TRIM2: variants seen among roughly 807,000 people sequenced by gnomAD.
TRIM2 encodes the protein tripartite motif-containing protein 2.
TRIM2 carries 20 observed loss-of-function variants against 75.2 expected under a neutral mutation model. The ratio of observed to expected loss-of-function variants is 0.27; its 90% confidence interval spans 0.19 to 0.39. TRIM2 has a LOEUF of 0.39. Ranked by LOEUF, TRIM2 falls within the 10% of genes least tolerant of loss-of-function variation. The pLI is 1.00. For synonymous variants in TRIM2, 373 were observed against 388.3 expected (o/e 0.96, Z 0.46); for missense variants, 660 against 990.8 (o/e 0.67, Z 4.48).
chr4:153,174,308 A>G lies in TRIM2; in HGVS notation c.-49+21038A>G, dbSNP rs2149620212. 1.3e-5 allele frequency among the ~76,000 whole-genome samples: 2 copies of G among 151,974 alleles called. 1 individual carries two copies. Among genetic ancestry groups the G allele is most frequent in the African/African-American group, 4.8e-5 (2 of 41,484 alleles). On this transcript the variant is annotated intron_variant, in intron 1 of 11. Transcript: ENST00000437508. ...GTGTGGCTGATGCATTCCATTTGCCAGGAAAGCCAGACCTTTCCATCCCTT... is the reference window on the plus strand; with the variant it reads ...GTGTGGCTGATGCATTCCATTTGCCGGGAAAGCCAGACCTTTCCATCCCTT...
intron 1 of TRIM2, among the ~76,000 whole-genome samples, chr4:153,159,853 A>C (rs1729584906): frequency 6.6e-6 from 1 of 152,226 alleles, no homozygotes; most frequent in African/African-American, 2.4e-5. Context: ...AGCTATGCCT[A>C]CTATTTGATG....
At chr4:153,250,202 C>G (rs1299219393) in intron 1 of TRIM2, among the ~76,000 whole-genome samples, 1 of 152,122 alleles carries the variant, frequency 6.6e-6, no homozygotes, top group African/African-American at 2.4e-5. Flanking sequence ...TTACTACAAC[C>G]TCAGCTTCTT....
At chr4:153,172,280 T>C (rs566493090) in intron 1 of TRIM2, among the ~76,000 whole-genome samples, 93 of 152,228 alleles carry the variant, frequency 6.1e-4, no homozygotes, top group South Asian at 1.2e-3. Flanking sequence ...CTCCACCTCC[T>C]GGGTTCACGC....
At chr4:153,285,284 A>G (rs933953260) in intron 3 of TRIM2, among the ~76,000 whole-genome samples, 1 of 152,122 alleles carries the variant, frequency 6.6e-6, no homozygotes, top group Admixed American at 6.6e-5. Flanking sequence ...ATCTTATTCC[A>G]TTGATCTATA....
intron 8 of TRIM2, among the ~76,000 whole-genome samples, chr4:153,322,130 C>T (rs1256429021): frequency 6.6e-6 from 1 of 151,710 alleles, no homozygotes; most frequent in East Asian, 1.9e-4. Flanking sequence ...ATTTTAAGGG[C>T]TGGGCACGAG....
At chr4:153,328,734 C>A in intron 11 of TRIM2, 64 bp downstream of exon 11, 1 of 1,472,804 alleles carries the variant, frequency 6.8e-7, no homozygotes, top group South Asian at 1.5e-5. Flanking sequence ...GAAGAATTTG[C>A]TGTCCCCCAA....
At chr4:153,228,739 T>C (rs1196893228) in intron 1 of TRIM2, among the ~76,000 whole-genome samples, 1 of 152,270 alleles carries the variant, frequency 6.6e-6, no homozygotes, top group African/African-American at 2.4e-5. Context: ...TTGCCCCAGG[T>C]CACGCGGCAG....
intron 10 of TRIM2, among the ~76,000 whole-genome samples, chr4:153,325,032 A>G (rs1053633118): frequency 2.0e-5 from 3 of 152,254 alleles, no homozygotes; most frequent in African/African-American, 7.2e-5. Context: ...AGAGGATGGT[A>G]TGCCAGTGAG....
At chr4:153,239,420 T>G (rs1239118849) in intron 1 of TRIM2, among the ~76,000 whole-genome samples, 1 of 110,876 alleles carries the variant, frequency 9.0e-6, no homozygotes, top group Non-Finnish European at 1.7e-5. Flanking sequence ...AAGATAGTGC[T>G]CTCTCTCTCT....
intron 6 of TRIM2, among the ~76,000 whole-genome samples, chr4:153,313,751 C>T (rs1007252706): frequency 6.6e-6 from 1 of 150,748 alleles, no homozygotes; most frequent in Non-Finnish European, 1.5e-5. Flanking sequence ...ATTCTCCTGC[C>T]TCAGCCTACC....
chr4:153,198,301 C>A (rs1027409360), intron 1 of TRIM2, among the ~76,000 whole-genome samples: 1 of 152,050 alleles, frequency 6.6e-6, no homozygotes, highest in Admixed American at 6.6e-5. Flanking sequence ...TGGGAGGGAC[C>A]CACAGGGAGG....
At chr4:153,281,745 G>A (rs1759388665) in intron 3 of TRIM2, among the ~76,000 whole-genome samples, 1 of 152,194 alleles carries the variant, frequency 6.6e-6, no homozygotes, top group Admixed American at 6.5e-5. Flanking sequence ...TGCCATGGTG[G>A]CATTGTTCAA....
At chr4:153,208,956 G>C (rs528432307) in intron 1 of TRIM2, among the ~76,000 whole-genome samples, 1 of 152,312 alleles carries the variant, frequency 6.6e-6, no homozygotes, top group East Asian at 1.9e-4. Flanking sequence ...CACACACAAA[G>C]AAATGTGTTC....
At position 153,168,939 on chromosome 4, in the gene TRIM2, G is replaced by A. The variant is rs1178795000; in HGVS notation, c.-49+15669G>A. On this transcript the variant is annotated intron_variant, in intron 1 of 11. Transcript: ENST00000437508. The stretch of plus-strand genomic sequence containing the variant: ...TAATCAATCAATCAATCAATAGCTG[G>A]GCATGTTGGCACATGCCTGTAGTCC... Among the ~76,000 whole-genome samples the A allele has an allele frequency of 2.0e-5, 3 of 152,106 alleles. No homozygotes were observed. In the East Asian group the frequency reaches 5.8e-4, roughly 29 times the overall value.
intron 1 of TRIM2, among the ~76,000 whole-genome samples, chr4:153,236,613 T>C (rs1745094670): frequency 6.6e-6 from 1 of 152,196 alleles, no homozygotes; most frequent in Non-Finnish European, 1.5e-5. Flanking sequence ...TTTCTTTACA[T>C]ACTTGTTTTT....
intron 3 of TRIM2, among the ~76,000 whole-genome samples, chr4:153,280,515 G>C (rs1579296050): frequency 6.6e-6 from 1 of 151,048 alleles, no homozygotes; most frequent in Non-Finnish European, 1.5e-5. Context: ...CTCCAGAGTA[G>C]CTGGGACTAC....
chr4:153,286,985 CT>C (rs1404479865), intron 3 of TRIM2, among the ~76,000 whole-genome samples: 5 of 151,002 alleles, frequency 3.3e-5, no homozygotes, highest in Admixed American at 2.0e-4. Flanking sequence ...CTTTTTCTCT[CT>C]CTCTTTTTTT....
rs115648688 is a variant in TRIM2, at chr4:153,259,002, C to A, written c.31-11333C>A. 4.6e-5 allele frequency among the ~76,000 whole-genome samples: 7 copies of A among 152,288 alleles called. No individual in the cohort carries two copies. The South Asian group carries it at 8.3e-4, about 18-fold the overall frequency. Reference sequence around the variant, plus strand: ...AGAAAGCAGCTTTCGGATGCAGAGACAGGAGTAGTAACCCTTCCTAAACCT... The same window carrying A: ...AGAAAGCAGCTTTCGGATGCAGAGAAAGGAGTAGTAACCCTTCCTAAACCT... On this transcript the variant is annotated intron_variant, in intron 1 of 11. Transcript: ENST00000338700.
intron 1 of TRIM2, among the ~76,000 whole-genome samples, chr4:153,244,439 T>TCTTCTTCTTCTTTC (rs1560876034): frequency 3.8e-5 from 4 of 104,210 alleles, no homozygotes; most frequent in African/African-American, 2.1e-4. Flanking sequence ...CTTCTTCTTT[T>TCTTCTTCTTCTTTC]AATTAGAGAG....
Sources: allele counts gnomAD v4.1 joint callset (sites outside exome capture counted in the v4.1 genomes callset), GRCh38; gene constraint gnomAD v4.1.1; transcripts MANE v1.5; gene names NCBI Gene and HGNC (gene_info 2026-07-23, HGNC 2026-07-21).